DGLUCY: variants seen among roughly 807,000 people sequenced by gnomAD.
The protein encoded by DGLUCY is D-glutamate cyclase, mitochondrial.
In DGLUCY, 58 loss-of-function variants were observed where a neutral mutation model predicts 58.5. That is an observed-to-expected ratio of 0.99 (90% CI 0.80 to 1.23). The LOEUF is 1.23. Among genes scored for constraint, DGLUCY ranks in the 50% most tolerant of loss-of-function variants. DGLUCY has a pLI of 0.00. For synonymous variants in DGLUCY, 325 were observed against 314.1 expected, an observed-to-expected ratio of 1.03 and a Z score of -0.37; for missense variants, 779 against 784.7, an observed-to-expected ratio of 0.99 and a Z score of 0.09.
chr14:91,167,251 C>G lies in DGLUCY; in HGVS notation c.130C>G (p.Leu44Val). 2 of 1,607,164 alleles carry G rather than the reference C, an allele frequency of 1.2e-6. No homozygotes were observed. The highest frequency in any genetic ancestry group is 1.7e-6 in the Non-Finnish European group (2 of 1,178,246). The stretch of plus-strand genomic sequence containing the variant: ...GCTCCGACCAGCCAGCCTGGTGGTC[C>G]TGCCCAGGTCCCTTGCTCCAGCTTT... ...GELRPASLVV[L>V]PRSLAPAFER... The change falls in exon 4 of 14, where the codon CTG becomes GTG. Residue 44 changes from leucine (L) to valine (V), a missense_variant. Transcript: ENST00000256324.
chr14:91,191,205 A>G (rs11159995), intron 9 of DGLUCY, among the ~76,000 whole-genome samples: 26,629 of 152,128 alleles, frequency 0.18, 3,099 homozygotes, highest in African/African-American at 0.32. Flanking sequence ...AGATTAAGCC[A>G]GTCATATTGT....
At chr14:91,194,786 G>A (rs557068454) in intron 9 of DGLUCY, among the ~76,000 whole-genome samples, 3 of 152,070 alleles carry the variant, frequency 2.0e-5, no homozygotes, top group South Asian at 2.1e-4. Flanking sequence ...TGATCTGCCC[G>A]CCTCAGACTC....
At chr14:91,167,691 A>G (rs983159988) in intron 4 of DGLUCY, 3 of 701,482 alleles carry the variant, frequency 4.3e-6, no homozygotes, top group African/African-American at 1.8e-5. Flanking sequence ...TACAGGATTA[A>G]GAAGAAAATA....
intron 9 of DGLUCY, among the ~76,000 whole-genome samples, chr14:91,195,670 G>GTTTTTTTTT (rs1207157314): frequency 4.1e-5 from 5 of 120,672 alleles, no homozygotes; most frequent in Non-Finnish European, 8.6e-5. Flanking sequence ...TTTGGGTTTT[G>GTTTTTTTTT]TTTTTTTTTT....
chr14:91,173,715 T>A, intron 6 of DGLUCY: 1 of 359,578 alleles, frequency 2.8e-6, no homozygotes, highest in South Asian at 5.2e-5. Context: ...CTGGCAGCTG[T>A]ATCAGGGCTG....
intron 1 of DGLUCY, among the ~76,000 whole-genome samples, chr14:91,124,812 G>T (rs962291651): frequency 6.6e-6 from 1 of 152,164 alleles, no homozygotes; most frequent in Admixed American, 6.5e-5. Flanking sequence ...TCAAAGACCT[G>T]TGCTAACATT....
At chr14:91,098,253 T>TA (rs773748553) in intron 1 of DGLUCY, among the ~76,000 whole-genome samples, 126 of 152,022 alleles carry the variant, frequency 8.3e-4, no homozygotes, top group South Asian at 1.5e-3. Flanking sequence ...GCCCAGGAGT[T>TA]AGAGACCAGC....
intron 11 of DGLUCY, among the ~76,000 whole-genome samples, chr14:91,202,066 A>ATAATAATAATAATAATAATAG (rs1364076664): frequency 4.7e-5 from 6 of 126,520 alleles, no homozygotes; most frequent in African/African-American, 1.7e-4. Context: ...AAAAATAATA[A>ATAATAATAATAATAATAATAG]TAATAATAAT....
intron 1 of DGLUCY, among the ~76,000 whole-genome samples, chr14:91,117,257 C>G (rs1249327077): frequency 6.6e-6 from 1 of 152,170 alleles, no homozygotes; most frequent in African/African-American, 2.4e-5. Context: ...TCATTGCTAT[C>G]TTGGTTTTGG....
At chr14:91,075,344 T>C (rs1372525277) in intron 1 of DGLUCY, among the ~76,000 whole-genome samples, 1 of 152,118 alleles carries the variant, frequency 6.6e-6, no homozygotes, top group African/African-American at 2.4e-5. Context: ...GGTTACACCA[T>C]GTTGGCCAGG....
intron 13 of DGLUCY, chr14:91,223,676 C>T (rs778904232): frequency 1.6e-6 from 2 of 1,285,832 alleles, no homozygotes; most frequent in East Asian, 5.6e-5. Context: ...TTTTAACCAG[C>T]AGGAGAGCAA....
chr14:91,095,452 G>T (rs892921227), intron 1 of DGLUCY, among the ~76,000 whole-genome samples: 1 of 152,190 alleles, frequency 6.6e-6, no homozygotes, highest in South Asian at 2.1e-4. Flanking sequence ...ATCTTTACAC[G>T]TGAAGGCAAG....
chr14:91,163,405 C>T (rs2048101841), intron 3 of DGLUCY, among the ~76,000 whole-genome samples: 1 of 152,204 alleles, frequency 6.6e-6, no homozygotes, highest in African/African-American at 2.4e-5. Flanking sequence ...GCTGGGCTTG[C>T]TTGAGACTGG....
chr14:91,142,124 G>T (rs2046731358), intron 1 of DGLUCY, among the ~76,000 whole-genome samples: 2 of 152,196 alleles, frequency 1.3e-5, no homozygotes, highest in South Asian at 4.1e-4. Flanking sequence ...GGGATTACAG[G>T]CGTGAGCCAT....
At chr14:91,140,838 G>T in intron 1 of DGLUCY, among the ~76,000 whole-genome samples, 1 of 152,196 alleles carries the variant, frequency 6.6e-6, no homozygotes. Flanking sequence ...CCTAGGGGTT[G>T]TGATTCAAAC....
At position 91,170,047 on chromosome 14, in the gene DGLUCY, C is replaced by T. The variant is rs2048489469; in HGVS notation, c.302C>T (p.Thr101Ile). ...QFWKYEFGAC[T>I]GSLASLEQYS... ...TGGAAATACGAGTTCGGTGCCTGCA[C>T]CGGCAGCCTGGCTTCGCTGGAGCAG... The change falls in exon 5 of 14, where the codon ACC becomes ATC. Residue 101 changes from threonine to isoleucine, a missense_variant. Coordinates refer to ENST00000256324, the MANE Select transcript of DGLUCY (RefSeq NM_001102368.3). 6 of 1,612,218 alleles carry T rather than the reference C, an allele frequency of 3.7e-6. No homozygotes were observed. The highest frequency in any genetic ancestry group is 5.1e-6 in the Non-Finnish European group (6 of 1,180,034).
intron 8 of DGLUCY, among the ~76,000 whole-genome samples, chr14:91,188,304 C>T (rs543557972): frequency 5.9e-5 from 9 of 152,222 alleles, no homozygotes; most frequent in South Asian, 2.1e-4. Flanking sequence ...AGGTGGCATG[C>T]GTCACTTCCA....
chr14:91,205,783 CT>C (rs1884516883), intron 12 of DGLUCY, among the ~76,000 whole-genome samples: 1 of 146,884 alleles, frequency 6.8e-6, no homozygotes, highest in African/African-American at 2.6e-5. Context: ...TCTTCTTCTT[CT>C]TCTTCTTCTT....
At chr14:91,182,363 AG>A (rs1483322862) in intron 8 of DGLUCY, among the ~76,000 whole-genome samples, 1 of 152,184 alleles carries the variant, frequency 6.6e-6, no homozygotes, top group Non-Finnish European at 1.5e-5. Flanking sequence ...GCATGTTGCC[AG>A]CCAGAAGCAG....
Sources: allele counts gnomAD v4.1 joint callset (sites outside exome capture counted in the v4.1 genomes callset), GRCh38; gene constraint gnomAD v4.1.1; transcripts MANE v1.5; gene names NCBI Gene and HGNC (gene_info 2026-07-23, HGNC 2026-07-21).